Variants in MAP4K3 observed in about 807,000 individuals in gnomAD.
MAP4K3 encodes mitogen-activated protein kinase kinase kinase kinase 3.
Under a neutral mutation model 143.5 loss-of-function variants are expected in MAP4K3, and 94 were observed. That is an observed-to-expected ratio of 0.65 (90% CI 0.55 to 0.78). The LOEUF is 0.78. Ranked by LOEUF, MAP4K3 falls within the 30% of genes least tolerant of loss-of-function variation. The pLI is 0.00. For synonymous variants in MAP4K3, 416 were observed against 347.2 expected, an observed-to-expected ratio of 1.20 and a Z score of -2.20; for missense variants, 1,077 against 1,068.1, an observed-to-expected ratio of 1.01 and a Z score of -0.12.
At chr2:39,329,894 C>A (rs973459297) in intron 8 of MAP4K3, among the ~76,000 whole-genome samples, 1 of 152,132 alleles carries the variant, frequency 6.6e-6, no homozygotes, top group African/African-American at 2.4e-5. Flanking sequence ...CAAAGTGAAC[C>A]AAAATGTAAG....
chr2:39,311,337 CTA>C (rs988109131), intron 13 of MAP4K3, among the ~76,000 whole-genome samples: 10 of 152,174 alleles, frequency 6.6e-5, no homozygotes, highest in African/African-American at 2.4e-4. Context: ...CCTCGGCCTC[CTA>C]AAGTGCTGGG....
At chr2:39,299,690 G>A in intron 16 of MAP4K3, 53 bp downstream of exon 16, 2 of 960,516 alleles carry the variant, frequency 2.1e-6, no homozygotes, top group Admixed American at 2.6e-5. Context: ...TAATATTAAA[G>A]GCAACTTAAT....
At chr2:39,431,496 C>A (rs6758596) in intron 1 of MAP4K3, among the ~76,000 whole-genome samples, 118,912 of 152,098 alleles carry the variant, frequency 0.78, 51,807 homozygotes, top group Non-Finnish European at 0.95. Context: ...TGGATCCATC[C>A]CTGAACTGTA....
intron 24 of MAP4K3, among the ~76,000 whole-genome samples, chr2:39,273,226 T>G (rs967358306): frequency 1.3e-5 from 2 of 152,178 alleles, no homozygotes; most frequent in African/African-American, 4.8e-5. Flanking sequence ...CATTTCGTTA[T>G]GCGTATCAGT....
chr2:39,282,545 T>A lies in MAP4K3; in HGVS notation c.1597A>T (p.Ser533Cys). 6.2e-7 allele frequency: 1 copy of A among 1,611,218 alleles called. No individual in the cohort carries two copies. Among genetic ancestry groups the A allele is most frequent in the East Asian group, 2.2e-5 (1 of 44,764 alleles). The stretch of plus-strand genomic sequence containing the variant: ...TTAGGTGTTGGAGGAAGACCATTAC[T>A]AATAGGCTTCTAGAAAAAGAACACA... Reference protein sequence around the residue: ...KEKKDVPKPISNGLPPTPKVH... With the variant: ...KEKKDVPKPICNGLPPTPKVH... Residue 533 changes from serine (S) to cysteine (C), a missense_variant, in exon 22 of 34, where the codon AGT becomes TGT. Physicochemically the swap from Ser to Cys is moderately radical, Grantham distance 112. Transcript: ENST00000263881.
At chr2:39,323,362 T>C (rs972924763) in intron 12 of MAP4K3, 4 of 152,190 alleles carry the variant, frequency 2.6e-5, no homozygotes, top group African/African-American at 9.7e-5. Flanking sequence ...TTCTGTTCTT[T>C]GAGTACATTT....
intron 1 of MAP4K3, among the ~76,000 whole-genome samples, chr2:39,389,581 A>G (rs1376871451): frequency 6.6e-6 from 1 of 152,228 alleles, no homozygotes; most frequent in Non-Finnish European, 1.5e-5. Flanking sequence ...AAGAACAACA[A>G]TTAGACTTTT....
intron 1 of MAP4K3, among the ~76,000 whole-genome samples, chr2:39,431,055 C>A (rs1665268808): frequency 6.6e-6 from 1 of 152,132 alleles, no homozygotes; most frequent in South Asian, 2.1e-4. Flanking sequence ...ATGAACAAAG[C>A]AAAATCACCA....
intron 2 of MAP4K3, among the ~76,000 whole-genome samples, chr2:39,374,370 A>C (rs1205752423): frequency 6.6e-6 from 1 of 152,084 alleles, no homozygotes; most frequent in East Asian, 1.9e-4. Context: ...AAAACAATAA[A>C]AAATAAAAAT....
chr2:39,436,114 G>T (rs1278788738), intron 1 of MAP4K3, among the ~76,000 whole-genome samples: 1 of 152,186 alleles, frequency 6.6e-6, no homozygotes, highest in Admixed American at 6.5e-5. Flanking sequence ...GAGGCCAAGA[G>T]TTGAGTTGGC....
intron 12 of MAP4K3, among the ~76,000 whole-genome samples, chr2:39,322,339 GCTTAAA>G (rs1683335769): frequency 6.6e-6 from 1 of 151,996 alleles, no homozygotes. Flanking sequence ...TACCTTCCCG[GCTTAAA>G]CAGCACAATA....
chr2:39,353,598 G>C (rs537854595), intron 3 of MAP4K3, among the ~76,000 whole-genome samples: 7 of 152,090 alleles, frequency 4.6e-5, no homozygotes, highest in Admixed American at 6.5e-5. Context: ...AAAAAACTTA[G>C]ATGTTAAATT....
chr2:39,283,272 A>T lies in MAP4K3; in HGVS notation c.1588-718T>A, dbSNP rs565984550. ...ACATATCACATCACACCCACCAGCA[A>T]TGTATGAGAGCTCCTGGTTCTTTCT... On this transcript the variant is annotated intron_variant, in intron 21 of 33. Coordinates refer to ENST00000263881, the MANE Select transcript of MAP4K3 (RefSeq NM_003618.4). Among the ~76,000 whole-genome samples the T allele has an allele frequency of 4.6e-5, 7 of 152,260 alleles. No homozygotes were observed. In the South Asian group the frequency reaches 1.5e-3, roughly 32 times the overall value.
At chr2:39,263,380 C>A (rs1288299917) in intron 28 of MAP4K3, among the ~76,000 whole-genome samples, 1 of 148,616 alleles carries the variant, frequency 6.7e-6, no homozygotes, top group African/African-American at 2.5e-5. Context: ...TCAGGCCATT[C>A]TCCTGCCTCA....
intron 16 of MAP4K3, among the ~76,000 whole-genome samples, chr2:39,297,692 T>C (rs578051164): frequency 6.6e-6 from 1 of 152,200 alleles, no homozygotes; most frequent in South Asian, 2.1e-4. Context: ...CACTGCCTAA[T>C]CACAAGAATA....
At position 39,309,548 on chromosome 2, in the gene MAP4K3, A is replaced by ATTTTTT. The variant is rs749101883; in HGVS notation, c.998-35_998-30dup. The ATTTTTT allele has an allele frequency of 2.1e-3, 708 of 339,076 alleles. 2 individuals carry two copies. The highest frequency in any genetic ancestry group is 3.5e-3 in the South Asian group (136 of 39,074). 21.0% of individuals were successfully genotyped at this position (339,076 alleles called of 1,614,324 possible). ...AAAAAGAAAAAAAAGTAAAACCAGGATTTTTTTTTTTTTTTTTTTTTTTTT... is the reference window on the plus strand; with the variant it reads ...AAAAAGAAAAAAAAGTAAAACCAGGATTTTTTTTTTTTTTTTTTTTTTTTTTTTTTT... On this transcript the variant is annotated intron_variant, in intron 13 of 33. Coordinates refer to ENST00000263881, the MANE Select transcript of MAP4K3 (RefSeq NM_003618.4).
intron 2 of MAP4K3, among the ~76,000 whole-genome samples, chr2:39,359,103 T>C (rs1665692255): frequency 6.6e-6 from 1 of 152,110 alleles, no homozygotes. Context: ...GCCTGTAAAA[T>C]CAAAAGCAAG....
chr2:39,304,356 G>A (rs1682617695), intron 15 of MAP4K3, among the ~76,000 whole-genome samples: 1 of 152,170 alleles, frequency 6.6e-6, no homozygotes, highest in Non-Finnish European at 1.5e-5. Flanking sequence ...TTTTACCTTG[G>A]TGCCAACTGC....
intron 1 of MAP4K3, among the ~76,000 whole-genome samples, chr2:39,432,835 T>C (rs1231163543): frequency 3.3e-5 from 5 of 152,206 alleles, no homozygotes; most frequent in African/African-American, 1.2e-4. Flanking sequence ...TTACACAGAC[T>C]ACGATGTGAA....
Sources: gnomAD v4.1 joint callset for allele counts (sites outside exome capture counted in the v4.1 genomes callset) on GRCh38, gnomAD v4.1.1 for gene constraint, MANE v1.5 for transcripts, NCBI Gene and HGNC (gene_info 2026-07-23, HGNC 2026-07-21) for gene names.